Variants in FREM1 observed in about 807,000 individuals in gnomAD.
FREM1 encodes the protein FRAS1-related extracellular matrix protein 1.
A neutral mutation model predicts 210.1 loss-of-function variants in FREM1; 220 were observed. That is an observed-to-expected ratio of 1.05 (90% CI 0.94 to 1.17). The LOEUF (loss-of-function observed/expected upper bound fraction) is 1.17, where lower values mean the gene tolerates loss of function less well. FREM1 is among the 50% of genes most tolerant of loss of function. FREM1 has a pLI of 0.00. For synonymous variants in FREM1, 1,189 were observed against 980.2 expected, an observed-to-expected ratio of 1.21 and a Z score of -3.98; for missense variants, 3,454 against 2,675.5, an observed-to-expected ratio of 1.29 and a Z score of -6.42.
chr9:14,858,158 C>T (rs749987549), intron 4 of FREM1, among the ~76,000 whole-genome samples: 1 of 152,144 alleles, frequency 6.6e-6, no homozygotes, highest in Non-Finnish European at 1.5e-5. Flanking sequence ...ATCCCCTCCC[C>T]ATGTGGCTAT....
chr9:14,909,542 T>G (rs1342858975), intron 1 of FREM1, among the ~76,000 whole-genome samples: 2 of 152,264 alleles, frequency 1.3e-5, no homozygotes, highest in Non-Finnish European at 2.9e-5. Flanking sequence ...TATTATCTGT[T>G]CTGTTCATTT....
intron 22 of FREM1, 102 bp from the exon 23 acceptor site, chr9:14,789,216 T>A: frequency 2.9e-6 from 2 of 684,656 alleles, no homozygotes; most frequent in Non-Finnish European, 4.4e-6. Context: ...CCAATATAAA[T>A]AATATTTCAG....
intron 9 of FREM1, among the ~76,000 whole-genome samples, chr9:14,841,880 A>AC (rs1825755159): frequency 6.6e-6 from 1 of 152,236 alleles, no homozygotes; most frequent in Admixed American, 6.5e-5. Context: ...AACACTAACT[A>AC]CTTACTTGAT....
At chr9:14,756,513 C>T in intron 28 of FREM1, 67 bp from the exon 29 acceptor site, 1 of 1,083,260 alleles carries the variant, frequency 9.2e-7, no homozygotes, top group South Asian at 1.4e-5. Context: ...AACAGCTATT[C>T]TCCCTCATAC....
intron 10 of FREM1, among the ~76,000 whole-genome samples, chr9:14,837,428 C>T (rs1824836523): frequency 6.6e-6 from 1 of 151,398 alleles, no homozygotes; most frequent in South Asian, 2.1e-4. Flanking sequence ...ATTAAACTCT[C>T]TCCACTCCTT....
chr9:14,843,227 A>T (rs950965360), intron 8 of FREM1, among the ~76,000 whole-genome samples: 7 of 152,160 alleles, frequency 4.6e-5, no homozygotes, highest in Admixed American at 6.5e-5. Context: ...GAACTCTGGA[A>T]CATAAACCAG....
At chr9:14,858,752 C>T (rs1829270595) in intron 4 of FREM1, among the ~76,000 whole-genome samples, 1 of 152,112 alleles carries the variant, frequency 6.6e-6, no homozygotes, top group African/African-American at 2.4e-5. Flanking sequence ...TACCCACTAG[C>T]TTTACTTCAA....
Position 14,807,971 on chromosome 9 carries a change from T to C in FREM1, c.3057A>G (p.Pro1019=). 1.2e-6 allele frequency: 2 copies of C among 1,613,632 alleles called. No homozygotes were observed. Among genetic ancestry groups the C allele is most frequent in the Non-Finnish European group, 1.7e-6 (2 of 1,179,658 alleles). The change falls in exon 17 of 37, where the codon CCA becomes CCG. Residue 1019 remains proline (P), a synonymous_variant. Transcript: ENST00000380880. The stretch of plus-strand genomic sequence containing the variant: ...CAATGGAAGGTGGCTGGTTGTCTAC[T>C]GGGTATACCGTGATGTTGAGATCAT... The part of the protein sequence containing the change: ...PVYDLNITVY[P]VDNQPPSIAI...
Position 14,909,289 on chromosome 9 carries a change from GA to G in FREM1, c.-268+624del, listed in dbSNP as rs1818324637. On this transcript the variant is annotated intron_variant, in intron 1 of 36. Coordinates refer to ENST00000380880, the MANE Select transcript of FREM1 (RefSeq NM_001379081.2). ...CCTGGATTTCAAAATAAAATGAAAA[GA>G]AACTCTTTACAACAGCACCAAAGTC... Among the ~76,000 whole-genome samples, 11 of 152,116 alleles carry G rather than the reference GA, an allele frequency of 7.2e-5. No individual in the cohort carries two copies. In the South Asian group the frequency reaches 2.3e-3, roughly 32 times the overall value.
chr9:14,907,494 C>A (rs1817968001), intron 1 of FREM1, among the ~76,000 whole-genome samples: 1 of 152,122 alleles, frequency 6.6e-6, no homozygotes, highest in Non-Finnish European at 1.5e-5. Flanking sequence ...GCTGTCAAGC[C>A]CTGTTCAGAC....
At chr9:14,900,099 G>A (rs1318363669) in intron 1 of FREM1, among the ~76,000 whole-genome samples, 1 of 152,202 alleles carries the variant, frequency 6.6e-6, no homozygotes, top group Non-Finnish European at 1.5e-5. Flanking sequence ...CTAGAAAGAA[G>A]CAAACCATTC....
At chr9:14,764,665 G>A (rs1318820559) in intron 27 of FREM1, among the ~76,000 whole-genome samples, 1 of 152,188 alleles carries the variant, frequency 6.6e-6, no homozygotes, top group Non-Finnish European at 1.5e-5. Flanking sequence ...CTGGGGTGCT[G>A]CTGAATGTTC....
chr9:14,828,020 C>A (rs1319064223), intron 10 of FREM1, among the ~76,000 whole-genome samples: 2 of 152,242 alleles, frequency 1.3e-5, no homozygotes, highest in Non-Finnish European at 2.9e-5. Context: ...AGCCTCGGGA[C>A]TCAGGCAGAG....
intron 10 of FREM1, among the ~76,000 whole-genome samples, chr9:14,828,451 G>C (rs535953937): frequency 4.6e-5 from 7 of 152,176 alleles, no homozygotes; most frequent in Admixed American, 2.0e-4. Flanking sequence ...CTCACAGCTC[G>C]AGGGGAAATT....
At chr9:14,759,936 G>T in intron 27 of FREM1, 35 bp from the exon 28 acceptor site, 1 of 1,587,512 alleles carries the variant, frequency 6.3e-7, no homozygotes, top group Non-Finnish European at 8.6e-7. Context: ...TCATGAGAAT[G>T]CATAGTATAT....
intron 29 of FREM1, among the ~76,000 whole-genome samples, chr9:14,756,105 G>T (rs1363959048): frequency 6.6e-6 from 1 of 151,798 alleles, no homozygotes; most frequent in Non-Finnish European, 1.5e-5. Flanking sequence ...TTTTTTTCTG[G>T]ATTGTCTTGG....
rs1829838041 is a variant in FREM1, at chr9:14,860,739, A to ACATATATATGCC, written c.330-1256_330-1255insGGCATATATATG. ...TATACACATATATACACATATATAC[A>ACATATATATGCC]CATATATATGCACATATATATGCAC... On this transcript the variant is annotated intron_variant, in intron 3 of 36. Coordinates refer to ENST00000380880, the MANE Select transcript of FREM1 (RefSeq NM_001379081.2). Among the ~76,000 whole-genome samples the ACATATATATGCC allele has an allele frequency of 1.5e-5, 2 of 132,644 alleles. 1 individual carries two copies. Among genetic ancestry groups the ACATATATATGCC allele is most frequent in the African/African-American group, 6.3e-5 (2 of 31,958 alleles). 87.0% of individuals were successfully genotyped at this position (132,644 alleles called of 152,430 possible).
chr9:14,851,092 C>A (rs1827652558), intron 6 of FREM1, among the ~76,000 whole-genome samples, 192 bp downstream of exon 6: 1 of 152,128 alleles, frequency 6.6e-6, no homozygotes, highest in South Asian at 2.1e-4. Context: ...GCCACAGTGC[C>A]CCTCAGTGGG....
chr9:14,756,291 A>G, intron 29 of FREM1, 83 bp downstream of exon 29: 2 of 993,920 alleles, frequency 2.0e-6, no homozygotes, highest in Non-Finnish European at 3.0e-6. Context: ...GTAACATTCT[A>G]TCTTCTCTAC....
Sources: gnomAD v4.1 joint callset for allele counts (sites outside exome capture counted in the v4.1 genomes callset) on GRCh38, gnomAD v4.1.1 for gene constraint, MANE v1.5 for transcripts, NCBI Gene and HGNC (gene_info 2026-07-23, HGNC 2026-07-21) for gene names.